The following HECW2 variants were observed in gnomAD, a reference collection of about 807,000 sequenced individuals.
HECW2 encodes HECT, C2 and WW domain containing E3 ubiquitin protein ligase 2.
In HECW2, 61 loss-of-function variants were observed where a neutral mutation model predicts 175.2. The ratio of observed to expected loss-of-function variants is 0.35; its 90% confidence interval spans 0.28 to 0.43. HECW2 has a LOEUF of 0.43. Among genes scored for constraint, HECW2 ranks in the 20% least tolerant of loss-of-function variants. The pLI is 1.00. For synonymous variants in HECW2, 671 were observed against 731.0 expected, an observed-to-expected ratio of 0.92 and a Z score of 1.32; for missense variants, 1,524 against 2,000.5, an observed-to-expected ratio of 0.76 and a Z score of 4.54.
intron 2 of HECW2, among the ~76,000 whole-genome samples, chr2:196,371,235 A>G (rs1480128540): frequency 6.6e-6 from 1 of 152,140 alleles, no homozygotes; most frequent in Non-Finnish European, 1.5e-5. Context: ...ATATTAATGT[A>G]CACGTATAGG....
At chr2:196,504,355 C>T (rs1184941327) in intron 1 of HECW2, among the ~76,000 whole-genome samples, 1 of 151,478 alleles carries the variant, frequency 6.6e-6, no homozygotes, top group East Asian at 1.9e-4. Context: ...CCACAGGTGC[C>T]GGGACCCTGT....
chr2:196,340,595 CAAAAAAAAA>C (rs3082071), intron 3 of HECW2, among the ~76,000 whole-genome samples: 7 of 66,924 alleles, frequency 1.0e-4, no homozygotes, highest in African/African-American at 4.4e-4. Flanking sequence ...GACTCCGTCT[CAAAAAAAAA>C]AAAAAAAAAA....
chr2:196,447,853 C>T (rs1696232241), intron 1 of HECW2, among the ~76,000 whole-genome samples: 2 of 152,062 alleles, frequency 1.3e-5, no homozygotes, highest in Non-Finnish European at 2.9e-5. Context: ...GTCAGGAGTT[C>T]GAGCCAAGCC....
chr2:196,455,425 T>C (rs1696477281), intron 1 of HECW2, among the ~76,000 whole-genome samples: 1 of 152,246 alleles, frequency 6.6e-6, no homozygotes, highest in African/African-American at 2.4e-5. Context: ...TTTATTTTTC[T>C]GAGATAACTA....
At chr2:196,428,854 T>C (rs964643390) in intron 2 of HECW2, among the ~76,000 whole-genome samples, 3 of 152,168 alleles carry the variant, frequency 2.0e-5, no homozygotes, top group African/African-American at 7.2e-5. Context: ...GTGGCTCTAT[T>C]AGGAACAACT....
intron 1 of HECW2, among the ~76,000 whole-genome samples, chr2:196,523,262 T>C (rs1165757952): frequency 1.3e-5 from 2 of 152,006 alleles, no homozygotes; most frequent in African/African-American, 4.8e-5. Flanking sequence ...TCACTCATCA[T>C]TTGGCTCTCT....
In HECW2 at chr2:196,325,055, G is replaced by C. The variant is rs1559042705; in HGVS notation, c.666C>G (p.Pro222=). Residue 222 remains proline (P), a synonymous_variant, in exon 6 of 29, where the codon CCC becomes CCG. Coordinates refer to ENST00000644978, the MANE Select transcript of HECW2 (RefSeq NM_001348768.2). ...SIQPGKKSSF[P]TCAHHGQERR... ...TCTCCTGCCCGTGGTGGGCACAGGTGGGGAAACTGCTCTTCTTTCCTGGCT... is the reference window on the plus strand; with the variant it reads ...TCTCCTGCCCGTGGTGGGCACAGGTCGGGAAACTGCTCTTCTTTCCTGGCT... The C allele has an allele frequency of 2.5e-6, 4 of 1,612,544 alleles. No homozygotes were observed. Among genetic ancestry groups the C allele is most frequent in the Non-Finnish European group, 1.7e-6 (2 of 1,179,402 alleles).
At chr2:196,472,164 T>C (rs867729411) in intron 1 of HECW2, among the ~76,000 whole-genome samples, 34 of 152,088 alleles carry the variant, frequency 2.2e-4, no homozygotes, top group African/African-American at 6.8e-4. Context: ...CTATATATTG[T>C]ATGTAGGTAC....
chr2:196,249,195 T>C (rs1316333462), intron 19 of HECW2, among the ~76,000 whole-genome samples: 4 of 152,178 alleles, frequency 2.6e-5, no homozygotes, highest in Non-Finnish European at 5.9e-5. Flanking sequence ...TGCATTTAAT[T>C]TCCTAGAAAT....
At chr2:196,252,427 C>T (rs1277260428) in intron 19 of HECW2, among the ~76,000 whole-genome samples, 1 of 151,990 alleles carries the variant, frequency 6.6e-6, no homozygotes, top group Non-Finnish European at 1.5e-5. Flanking sequence ...AGAGGTAGGG[C>T]CTTGTGGGGG....
intron 1 of HECW2, among the ~76,000 whole-genome samples, chr2:196,488,045 G>C (rs369097886): frequency 6.6e-6 from 1 of 152,180 alleles, no homozygotes; most frequent in Non-Finnish European, 1.5e-5. Context: ...CACTTACTGT[G>C]CTTCCTTTTT....
intron 6 of HECW2, among the ~76,000 whole-genome samples, chr2:196,323,994 T>G (rs1692057241): frequency 6.7e-6 from 1 of 148,480 alleles, no homozygotes; most frequent in Admixed American, 6.8e-5. Flanking sequence ...CAAGCAATAT[T>G]CAATATCTAA....
intron 2 of HECW2, among the ~76,000 whole-genome samples, chr2:196,386,148 C>A (rs1694343345): frequency 6.6e-6 from 1 of 152,114 alleles, no homozygotes; most frequent in East Asian, 1.9e-4. Flanking sequence ...TGAGTGAATT[C>A]AACAAAAAGA....
chr2:196,522,030 T>C (rs1437041995), intron 1 of HECW2, among the ~76,000 whole-genome samples: 2 of 152,200 alleles, frequency 1.3e-5, no homozygotes, highest in African/African-American at 2.4e-5. Flanking sequence ...ATGGTATTTC[T>C]AGTTCTAGAT....
intron 1 of HECW2, among the ~76,000 whole-genome samples, chr2:196,450,608 A>T (rs1043399343): frequency 6.6e-5 from 10 of 151,786 alleles, no homozygotes; most frequent in Admixed American, 1.3e-4. Flanking sequence ...TCTCCTGCCA[A>T]GTAGCTAGGA....
chr2:196,465,763 C>T (rs1696928326), intron 1 of HECW2, among the ~76,000 whole-genome samples: 1 of 151,312 alleles, frequency 6.6e-6, no homozygotes, highest in African/African-American at 2.4e-5. Flanking sequence ...ATCTGGACCA[C>T]TGATCCAAAA....
chr2:196,240,375 C>T (rs1377799702), intron 21 of HECW2, 74 bp downstream of exon 21: 2 of 1,084,692 alleles, frequency 1.8e-6, no homozygotes, highest in African/African-American at 3.2e-5. Context: ...TTCAGGCAAC[C>T]ACAGCGACGT....
At chr2:196,455,375 A>G (rs1696476002) in intron 1 of HECW2, among the ~76,000 whole-genome samples, 1 of 152,178 alleles carries the variant, frequency 6.6e-6, no homozygotes, top group East Asian at 1.9e-4. Context: ...GTAGTCAATC[A>G]TATCATTTAT....
Position 196,319,208 on chromosome 2 carries a change from T to C in HECW2, c.1682A>G (p.Asp561Gly). 6.3e-7 allele frequency: 1 copy of C among 1,597,084 alleles called. No homozygotes were observed. Among genetic ancestry groups the C allele is most frequent in the Non-Finnish European group, 8.5e-7 (1 of 1,171,638 alleles). Residue 561 changes from aspartate (D) to glycine (G), a missense_variant, in exon 9 of 29, where the codon GAC becomes GGC. Asp to Gly is a moderately conservative substitution (Grantham distance 94). This residue lies in a region of HECW2 where 604 missense variants were observed against 588.3 expected (regional missense o/e 1.03). Transcript: ENST00000644978. ...GCCACACAGTTCAGCACTGCCCTGG[T>C]CAGCACTGGGTTGAGGCTCTGGGCC... The part of the protein sequence containing the change: ...EGGPEPQPSA[D>G]QGSAELCGSQ...
Sources: gnomAD v4.1 joint callset for allele counts (sites outside exome capture counted in the v4.1 genomes callset) on GRCh38, gnomAD v4.1.1 for gene constraint, gnomAD v4.1.1 regional missense constraint, MANE v1.5 for transcripts, NCBI Gene and HGNC (gene_info 2026-07-23, HGNC 2026-07-21) for gene names.